ABR: variants seen among roughly 807,000 people sequenced by gnomAD.
ABR encodes the protein ABR activator of RhoGEF and GTPase, also known as active breakpoint cluster region-related protein.
Under a neutral mutation model 107.2 loss-of-function variants are expected in ABR, and 35 were observed. That is an observed-to-expected ratio of 0.33 (90% CI 0.25 to 0.43). ABR has a LOEUF of 0.43. ABR is among the 20% of genes least tolerant of loss of function. ABR has a pLI of 1.00. For synonymous variants in ABR, 498 were observed against 462.0 expected, an observed-to-expected ratio of 1.08 and a Z score of -1.00; for missense variants, 815 against 1,115.2, an observed-to-expected ratio of 0.73 and a Z score of 3.83.
At chr17:1,038,422 C>T (rs2073362768) in intron 16 of ABR, among the ~76,000 whole-genome samples, 1 of 152,194 alleles carries the variant, frequency 6.6e-6, no homozygotes, top group Non-Finnish European at 1.5e-5. Flanking sequence ...TGCTCAGTGG[C>T]TGTGGGTTCG....
At chr17:1,031,041 T>C (rs997800736) in intron 16 of ABR, among the ~76,000 whole-genome samples, 2 of 152,174 alleles carry the variant, frequency 1.3e-5, no homozygotes, top group African/African-American at 2.4e-5. Context: ...CGGTCTGCCC[T>C]GGCACATGGA....
intron 1 of ABR, among the ~76,000 whole-genome samples, chr17:1,149,413 T>C (rs185554569): frequency 6.8e-6 from 1 of 147,488 alleles, no homozygotes; most frequent in Non-Finnish European, 1.5e-5. Flanking sequence ...CCAGAATTCA[T>C]TTCTGGTTTT....
chr17:1,140,034 C>T (rs766032277), intron 1 of ABR, among the ~76,000 whole-genome samples: 6 of 152,114 alleles, frequency 3.9e-5, no homozygotes, highest in South Asian at 2.1e-4. Flanking sequence ...ATTTCACGCA[C>T]GCTGGGAGCC....
intron 1 of ABR, among the ~76,000 whole-genome samples, chr17:1,168,574 G>A (rs1182448347): frequency 6.6e-6 from 1 of 152,182 alleles, no homozygotes; most frequent in African/African-American, 2.4e-5. Context: ...TGAATGTGGT[G>A]GGAAAGGCAA....
At chr17:1,181,687 C>A (rs745871091), upstream of ABR, among the ~76,000 whole-genome samples, 6 of 152,190 alleles carry the variant, frequency 3.9e-5, no homozygotes, top group Non-Finnish European at 7.4e-5. Flanking sequence ...CCGGAGGAGC[C>A]ATGAGGGGCC....
At chr17:1,021,590 G>A (rs1490093913) in intron 16 of ABR, among the ~76,000 whole-genome samples, 1 of 151,986 alleles carries the variant, frequency 6.6e-6, no homozygotes, top group Non-Finnish European at 1.5e-5. Context: ...CGGATCACAA[G>A]GTCAGGAGAT....
chr17:1,162,646 C>T (rs546517883), intron 1 of ABR, among the ~76,000 whole-genome samples: 22 of 152,152 alleles, frequency 1.4e-4, no homozygotes, highest in African/African-American at 5.1e-4. Flanking sequence ...CCTGACGGGC[C>T]CTAATGGATG....
At chr17:1,224,081 C>T (rs1469752141) in intron 1 of ABR, among the ~76,000 whole-genome samples, 1 of 152,150 alleles carries the variant, frequency 6.6e-6, no homozygotes, top group Non-Finnish European at 1.5e-5. Context: ...TTATTATTCC[C>T]ATCTGTCAGA....
chr17:1,007,998 G>A (rs536726027), intron 21 of ABR, among the ~76,000 whole-genome samples: 13 of 152,344 alleles, frequency 8.5e-5, no homozygotes, highest in East Asian at 5.8e-4. Context: ...GTGCCTGTCC[G>A]GAAAGGTCGG....
chr17:1,170,425 AGTTT>A (rs1255645604), intron 1 of ABR, among the ~76,000 whole-genome samples: 3 of 152,002 alleles, frequency 2.0e-5, no homozygotes, highest in Admixed American at 6.6e-5. Context: ...TAATTAATTT[AGTTT>A]GTTTATGTAT....
intron 1 of ABR, among the ~76,000 whole-genome samples, chr17:1,135,467 T>C (rs989359700): frequency 9.3e-5 from 14 of 151,070 alleles, no homozygotes; most frequent in African/African-American, 2.9e-4. Flanking sequence ...ATACAGAGGC[T>C]GACTGTTAAG....
chr17:1,130,968 T>C (rs1386034136), intron 1 of ABR, among the ~76,000 whole-genome samples: 1 of 152,244 alleles, frequency 6.6e-6, no homozygotes, highest in Non-Finnish European at 1.5e-5. Context: ...TCTGCTGTTC[T>C]AAGCCATCAA....
At chr17:1,185,881 G>T (rs1435539087) in intron 1 of ABR, among the ~76,000 whole-genome samples, 1 of 151,682 alleles carries the variant, frequency 6.6e-6, no homozygotes, top group African/African-American at 2.4e-5. Context: ...TTATTGCCTG[G>T]CTGGAGTGCA....
In ABR at chr17:1,072,693, C is replaced by A; in HGVS notation, c.815G>T (p.Arg272Leu). The A allele has an allele frequency of 6.2e-7, 1 of 1,613,454 alleles. No individual in the cohort carries two copies. The highest frequency in any genetic ancestry group is 8.5e-7 in the Non-Finnish European group (1 of 1,179,738). Reference protein sequence around the residue: ...PDYPLLQDALRISQNFLSSIN... With the variant: ...PDYPLLQDALLISQNFLSSIN... The stretch of plus-strand genomic sequence containing the variant: ...GCTGGACAGGAAGTTCTGGGAGATG[C>A]GGAGGGCATCCTGCAGCAGCGGGTA... Residue 272 changes from arginine to leucine, a missense_variant, in exon 8 of 23, where the codon CGC becomes CTC. Arg to Leu is a moderately radical substitution (Grantham distance 102). Around this residue, in one of 5 missense-constraint regions of ABR, gnomAD observed 385 missense variants for 596.9 expected, o/e 0.64. Transcript: ENST00000302538.
At position 1,065,890 on chromosome 17, in the gene ABR, C is replaced by T. The variant is rs1050705255; in HGVS notation, c.1182+1187G>A. 2.0e-5 allele frequency among the ~76,000 whole-genome samples: 3 copies of T among 151,910 alleles called. 1 individual carries two copies. The highest frequency in any genetic ancestry group is 6.6e-5 in the Admixed American group (1 of 15,226). ...CCTCCTGAGTAGCTGGGATTACAGG[C>T]GGAAGCCACCACGCCAGGCTAATTT... On this transcript the variant is annotated intron_variant, in intron 10 of 22. Coordinates refer to ENST00000302538, the MANE Select transcript of ABR (RefSeq NM_021962.5).
chr17:1,036,786 AC>A (rs1324524047), intron 16 of ABR, among the ~76,000 whole-genome samples: 1 of 151,770 alleles, frequency 6.6e-6, no homozygotes, highest in Non-Finnish European at 1.5e-5. Context: ...TCCTGTACCG[AC>A]CCTAACCAAA....
upstream of ABR, among the ~76,000 whole-genome samples, chr17:1,180,656 C>A (rs1197159905): frequency 1.3e-5 from 2 of 152,200 alleles, no homozygotes; most frequent in Non-Finnish European, 2.9e-5. Context: ...CCTGGGGACC[C>A]CGAGCCGCGG....
chr17:1,006,056 C>A lies in ABR; in HGVS notation c.*24G>T. 6.5e-7 allele frequency: 1 copy of A among 1,544,766 alleles called. No homozygotes were observed. Among genetic ancestry groups the A allele is most frequent in the Non-Finnish European group, 8.8e-7 (1 of 1,140,348 alleles). ...GGCTGGAGGGGCTGGTTCCACCACC[C>A]GCCCGCAGCCACCCTGCCTCGGGCT... is the stretch of plus-strand genomic sequence containing the variant. On this transcript the variant is annotated 3_prime_UTR_variant, in exon 23 of 23. Transcript: ENST00000302538.
chr17:1,221,246 G>A (rs1311033703), intron 1 of ABR, among the ~76,000 whole-genome samples: 2 of 152,164 alleles, frequency 1.3e-5, no homozygotes, highest in East Asian at 1.9e-4. Flanking sequence ...ATACCTCGAG[G>A]TGACTAAGGA....
Sources: allele counts gnomAD v4.1 joint callset (sites outside exome capture counted in the v4.1 genomes callset), GRCh38; gene constraint gnomAD v4.1.1; regional missense constraint gnomAD v4.1.1; transcripts MANE v1.5; gene names NCBI Gene and HGNC (gene_info 2026-07-23, HGNC 2026-07-21).